Variants in FLT1 observed in about 807,000 individuals in gnomAD.
The protein encoded by FLT1 is vascular endothelial growth factor receptor 1.
A neutral mutation model predicts 156.3 loss-of-function variants in FLT1; 49 were observed. The ratio of observed to expected loss-of-function variants is 0.31; its 90% CI spans 0.25 to 0.40. FLT1 has a LOEUF of 0.40. Ranked by LOEUF, FLT1 falls within the 10% of genes least tolerant of loss-of-function variation. The probability of loss-of-function intolerance (pLI) is 1.00; values close to 1 mark genes in which losing one functional copy is unlikely to be tolerated. For synonymous variants in FLT1, 594 were observed against 583.8 expected (o/e 1.02, Z -0.25); for missense variants, 1,322 against 1,637.2 (o/e 0.81, Z 3.32).
intron 13 of FLT1, chr13:28,385,580 T>C: frequency 9.9e-7 from 1 of 1,015,036 alleles, no homozygotes; most frequent in Non-Finnish European, 1.2e-6. Context: ...ATTGGTTCTT[T>C]CCTTTCTCCA....
At chr13:28,377,988 A>C (rs945171687) in intron 14 of FLT1, among the ~76,000 whole-genome samples, 8 of 152,146 alleles carry the variant, frequency 5.3e-5, no homozygotes, top group African/African-American at 1.7e-4. Context: ...TGTGATTTTA[A>C]TATGCTTTTA....
chr13:28,303,171 A>G lies in FLT1; in HGVS notation c.4013T>C (p.Ile1338Thr). The G allele has an allele frequency of 2.5e-6, 4 of 1,609,558 alleles. No homozygotes were observed. The highest frequency in any genetic ancestry group is 3.4e-6 in the Non-Finnish European group (4 of 1,179,842). Reference sequence around the variant, plus strand: ...AATAAGGCTTCGTGTCAAACTCTAGATGGGTGGGGTGGAGTACAGGACCAC... The same window carrying G: ...AATAAGGCTTCGTGTCAAACTCTAGGTGGGTGGGGTGGAGTACAGGACCAC... ...NSVVLYSTPP[I>T] The change falls in exon 30 of 30, where the codon ATC (isoleucine) becomes ACC (threonine). Residue 1338 changes from isoleucine (I) to threonine (T), a missense_variant. Around this residue, in one of 3 missense-constraint regions of FLT1, gnomAD observed 329 missense variants for 366.2 expected, o/e 0.90. Coordinates refer to ENST00000282397, the MANE Select transcript of FLT1 (RefSeq NM_002019.4).
In FLT1 at chr13:28,322,215, G is replaced by A. The variant is rs758590944; in HGVS notation, c.3051+47C>T. 1.8e-6 allele frequency: 2 copies of A among 1,088,082 alleles called. No individual in the cohort carries two copies. The highest frequency in any genetic ancestry group is 2.5e-5 in the South Asian group (2 of 80,534). The allele number at this position is 1,088,082 out of a possible 1,614,324, so 67.4% of individuals were successfully genotyped here. A position where few individuals can be genotyped will look rare whatever the true frequency, so the allele number is the denominator to read the frequency against. Reference sequence around the variant, plus strand: ...AAAAATGAATTTATAGCAAAGGTGTGTGTCCAGCCCTGGCAGAGAAGAAAA... The same window carrying A: ...AAAAATGAATTTATAGCAAAGGTGTATGTCCAGCCCTGGCAGAGAAGAAAA... On this transcript the variant is annotated intron_variant, in intron 22 of 29. Coordinates refer to ENST00000282397, the MANE Select transcript of FLT1 (RefSeq NM_002019.4). This position sits in a 1 kb window ranked among gnomAD's most constrained non-coding sequence, Gnocchi z 4.3.
intron 14 of FLT1, among the ~76,000 whole-genome samples, chr13:28,374,801 C>T (rs1202755315): frequency 6.6e-6 from 1 of 152,102 alleles, no homozygotes; most frequent in Non-Finnish European, 1.5e-5. Flanking sequence ...TTGTGAGCCA[C>T]CGTGCCCGGC....
intron 3 of FLT1, among the ~76,000 whole-genome samples, chr13:28,450,786 G>A (rs1308882976): frequency 6.6e-6 from 1 of 152,170 alleles, no homozygotes; most frequent in African/African-American, 2.4e-5. Context: ...CCAGAGAGGA[G>A]AGACTGTCCC....
At chr13:28,485,164 A>G (rs1881080439) in intron 1 of FLT1, among the ~76,000 whole-genome samples, 1 of 152,202 alleles carries the variant, frequency 6.6e-6, no homozygotes, top group Admixed American at 6.5e-5. Context: ...AATTACATAT[A>G]TTGATTGTAT....
intron 16 of FLT1, among the ~76,000 whole-genome samples, chr13:28,343,279 G>A (rs868057134): frequency 2.6e-5 from 4 of 151,750 alleles, no homozygotes; most frequent in East Asian, 3.9e-4. Flanking sequence ...CACTGCGCCC[G>A]GCTGCCATTA....
intron 20 of FLT1, among the ~76,000 whole-genome samples, chr13:28,323,275 A>G (rs1871544882): frequency 6.6e-6 from 1 of 152,228 alleles, no homozygotes; most frequent in Admixed American, 6.5e-5. Context: ...AGTGTTTCCA[A>G]CAATTTTACG....
chr13:28,469,273 A>C (rs950091155), intron 1 of FLT1, among the ~76,000 whole-genome samples: 7 of 152,220 alleles, frequency 4.6e-5, no homozygotes, highest in African/African-American at 1.7e-4. Context: ...CAAAGGTAGA[A>C]GCTCTAAGTG....
At chr13:28,435,734 T>A (rs1363063828) in intron 4 of FLT1, among the ~76,000 whole-genome samples, 1 of 152,226 alleles carries the variant, frequency 6.6e-6, no homozygotes, top group Non-Finnish European at 1.5e-5. Flanking sequence ...GGACTATGCC[T>A]ACATCGGAAT....
chr13:28,400,229 T>C (rs1875349375), intron 11 of FLT1, among the ~76,000 whole-genome samples: 1 of 152,212 alleles, frequency 6.6e-6, no homozygotes, highest in Non-Finnish European at 1.5e-5. Flanking sequence ...TAACATAAAT[T>C]AAATACTACT....
intron 24 of FLT1, 25 bp from the exon 25 acceptor site, chr13:28,317,622 C>G (rs1344636343): frequency 3.4e-6 from 5 of 1,490,500 alleles, no homozygotes; most frequent in Middle Eastern, 3.4e-4. Context: ...GTGGAAAACA[C>G]AGGGCCTGTT....
rs529461665 is a variant in FLT1 at position 28,306,368 on chromosome 13, G to A, written c.3815+310C>T. The stretch of plus-strand genomic sequence containing the variant: ...CATCCTCTCCCACCGCCGGGAGCGT[G>A]TCTCTGTCTGCACCACGCATAGGTG... On this transcript the variant is annotated intron_variant, in intron 29 of 29. Coordinates refer to ENST00000282397, the MANE Select transcript of FLT1 (RefSeq NM_002019.4). 2.0e-5 allele frequency among the ~76,000 whole-genome samples: 3 copies of A among 152,254 alleles called. No homozygotes were observed. In the East Asian group the frequency reaches 5.8e-4, roughly 30 times the overall value.
In FLT1 at chr13:28,412,381, T is replaced by TTTCTTTCTTTCTTTCTTTCTTTCTTTCC. The variant is rs1876325332; in HGVS notation, c.1437-6488_1437-6487insGGAAAGAAAGAAAGAAAGAAAGAAAGAA. On this transcript the variant is annotated intron_variant, in intron 10 of 29. Coordinates refer to ENST00000282397, the MANE Select transcript of FLT1 (RefSeq NM_002019.4). ...CTTTCTTTCTTTCTTTCTTTCTTTC[T>TTTCTTTCTTTCTTTCTTTCTTTCTTTCC]TTCTTTCTTTCTTTCTTTCTTTCTT... is the stretch of plus-strand genomic sequence containing the variant. Among the ~76,000 whole-genome samples the TTTCTTTCTTTCTTTCTTTCTTTCTTTCC allele has an allele frequency of 1.0e-3, 90 of 88,276 alleles. 1 individual carries two copies. Among genetic ancestry groups the TTTCTTTCTTTCTTTCTTTCTTTCTTTCC allele is most frequent in the Non-Finnish European group, 1.3e-3 (52 of 39,828 alleles). 57.9% of individuals were successfully genotyped at this position (88,276 alleles called of 152,430 possible). A position where few individuals can be genotyped will look rare whatever the true frequency, so the allele number is the denominator to read the frequency against.
intron 19 of FLT1, among the ~76,000 whole-genome samples, chr13:28,328,048 CG>C (rs1566288408): frequency 6.6e-6 from 1 of 152,108 alleles, no homozygotes; most frequent in Admixed American, 6.5e-5. Flanking sequence ...CAGTAGGAAT[CG>C]GCAAACTCTT....
chr13:28,494,869 C>T lies in FLT1; in HGVS notation c.-26G>A. 1 of 1,520,110 alleles carries T rather than the reference C, an allele frequency of 6.6e-7. No individual in the cohort carries two copies. The highest frequency in any genetic ancestry group is 1.2e-5 in the South Asian group (1 of 82,046). The allele number at this position is 1,520,110 out of a possible 1,614,324, so 94.2% of individuals were successfully genotyped here. A position where few individuals can be genotyped will look rare whatever the true frequency, so the allele number is the denominator to read the frequency against. On this transcript the variant is annotated 5_prime_UTR_variant, in exon 1 of 30. Coordinates refer to ENST00000282397, the MANE Select transcript of FLT1 (RefSeq NM_002019.4). The stretch of plus-strand genomic sequence containing the variant: ...GGTGAGCGCGACGCGGCCTGCTCGC[C>T]CGGTGCCCGCGCTCCCCGCGGCCAA...
chr13:28,406,164 T>C (rs929292702), intron 10 of FLT1, among the ~76,000 whole-genome samples: 4 of 152,170 alleles, frequency 2.6e-5, no homozygotes, highest in Non-Finnish European at 5.9e-5. Context: ...AATGCATAAA[T>C]TAGAAAATTT....
intron 6 of FLT1, 112 bp from the exon 7 acceptor site, chr13:28,431,422 C>A (rs1262603882): frequency 5.1e-6 from 4 of 782,480 alleles, no homozygotes; most frequent in Non-Finnish European, 8.6e-6. Context: ...CTGTTTTATA[C>A]TAAGAATCAT....
chr13:28,483,003 T>A (rs1880947193), intron 1 of FLT1, among the ~76,000 whole-genome samples: 1 of 152,180 alleles, frequency 6.6e-6, no homozygotes, highest in Non-Finnish European at 1.5e-5. Context: ...AAGTTACAGG[T>A]ACTCAAAGTC....
Sources: allele counts gnomAD v4.1 joint callset (sites outside exome capture counted in the v4.1 genomes callset), GRCh38; gene constraint gnomAD v4.1.1; regional missense constraint gnomAD v4.1.1; non-coding constraint Gnocchi (gnomAD v3.1); transcripts MANE v1.5; gene names NCBI Gene and HGNC (gene_info 2026-07-23, HGNC 2026-07-21).